RBFOX1: variants seen among roughly 807,000 people sequenced by gnomAD.
The protein encoded by RBFOX1 is RNA binding protein fox-1 homolog 1.
Under a neutral mutation model 57.7 loss-of-function variants are expected in RBFOX1, and 8 were observed. The ratio of observed to expected loss-of-function variants is 0.14; its 90% confidence interval spans 0.08 to 0.25. The LOEUF (loss-of-function observed/expected upper bound fraction) is 0.25. RBFOX1 is among the 10% of genes least tolerant of loss of function. The probability of loss-of-function intolerance (pLI) is 1.00; values close to 1 mark genes in which losing one functional copy is unlikely to be tolerated. For synonymous variants in RBFOX1, 326 were observed against 222.4 expected, an observed-to-expected ratio of 1.47 and a Z score of -4.15; for missense variants, 611 against 548.5, an observed-to-expected ratio of 1.11 and a Z score of -1.14.
chr16:6,305,776 G>A (rs983714831), intron 1 of RBFOX1, among the ~76,000 whole-genome samples: 13 of 151,826 alleles, frequency 8.6e-5, no homozygotes, highest in Non-Finnish European at 1.3e-4. Flanking sequence ...CCAAGGTCAA[G>A]CAACTAGCAA....
At chr16:7,017,201 G>A (rs1015236220) in intron 3 of RBFOX1, among the ~76,000 whole-genome samples, 7 of 152,254 alleles carry the variant, frequency 4.6e-5, no homozygotes, top group Middle Eastern at 3.4e-3. Flanking sequence ...AAGTGTTGGC[G>A]AAGTTTCCCT....
chr16:6,329,387 TAGAC>T (rs1438607675), intron 2 of RBFOX1, among the ~76,000 whole-genome samples: 1 of 152,192 alleles, frequency 6.6e-6, no homozygotes, highest in Non-Finnish European at 1.5e-5. Context: ...TTCTTAAAGT[TAGAC>T]AGCATGCAAA....
At chr16:6,996,364 C>T (rs2092243127) in intron 3 of RBFOX1, among the ~76,000 whole-genome samples, 1 of 151,858 alleles carries the variant, frequency 6.6e-6, no homozygotes, top group Non-Finnish European at 1.5e-5. Flanking sequence ...TGGTTTTGTG[C>T]ATGTGTGTGT....
chr16:6,934,867 C>T (rs1385036209), intron 3 of RBFOX1, among the ~76,000 whole-genome samples: 1 of 152,088 alleles, frequency 6.6e-6, no homozygotes, highest in Non-Finnish European at 1.5e-5. Flanking sequence ...TGGCAGATGA[C>T]TTGAGCTCAG....
At chr16:5,571,800 G>A (rs1416045878) in intron 2 of RBFOX1, among the ~76,000 whole-genome samples, 1 of 152,180 alleles carries the variant, frequency 6.6e-6, no homozygotes, top group Non-Finnish European at 1.5e-5. Context: ...GAAGCAAGGA[G>A]CCCCCTTACC....
At chr16:5,658,798 TG>T (rs2049544480) in intron 3 of RBFOX1, among the ~76,000 whole-genome samples, 1 of 137,944 alleles carries the variant, frequency 7.2e-6, no homozygotes, top group African/African-American at 3.2e-5. Context: ...ATATAATATA[TG>T]TGTATATATG....
intron 3 of RBFOX1, among the ~76,000 whole-genome samples, chr16:5,825,440 G>A (rs941406674): frequency 1.3e-5 from 2 of 152,166 alleles, no homozygotes; most frequent in Admixed American, 6.5e-5. Context: ...TATAAGGTTC[G>A]AAGGAAGTGT....
chr16:6,048,319 C>T (rs2095516426), intron 1 of RBFOX1, among the ~76,000 whole-genome samples: 1 of 152,154 alleles, frequency 6.6e-6, no homozygotes, highest in South Asian at 2.1e-4. Context: ...AGATTTCTTT[C>T]CAATTATCAG....
intron 4 of RBFOX1, among the ~76,000 whole-genome samples, chr16:5,892,403 C>G (rs1054976331): frequency 2.0e-5 from 3 of 152,152 alleles, no homozygotes; most frequent in Non-Finnish European, 4.4e-5. Flanking sequence ...ATGACTGTAT[C>G]TCTTTATATG....
intron 2 of RBFOX1, among the ~76,000 whole-genome samples, chr16:6,484,570 A>C (rs1041815188): frequency 3.3e-5 from 5 of 152,176 alleles, no homozygotes; most frequent in African/African-American, 1.2e-4. Context: ...TTATATACAG[A>C]GTGTCGAATG....
chr16:6,738,136 G>T (rs182331483), intron 3 of RBFOX1, among the ~76,000 whole-genome samples: 1 of 151,062 alleles, frequency 6.6e-6, no homozygotes, highest in Admixed American at 6.6e-5. Flanking sequence ...ATAGGGACCA[G>T]ATGTAACCTC....
intron 1 of RBFOX1, among the ~76,000 whole-genome samples, chr16:6,221,514 A>G (rs60754176): frequency 0.19 from 29,351 of 152,216 alleles, 3,666 homozygotes; most frequent in East Asian, 0.45. Context: ...TTTCAATATG[A>G]GTCAGTATTC....
At chr16:7,044,495 A>G (rs1268184576) in intron 3 of RBFOX1, among the ~76,000 whole-genome samples, 3 of 152,290 alleles carry the variant, frequency 2.0e-5, no homozygotes, top group South Asian at 4.1e-4. Flanking sequence ...GCTATTAAAC[A>G]TCTCGTTCAA....
chr16:6,956,647 T>A (rs2081910218), intron 3 of RBFOX1, among the ~76,000 whole-genome samples: 1 of 152,214 alleles, frequency 6.6e-6, no homozygotes, highest in African/African-American at 2.4e-5. Context: ...GCCTGCTATT[T>A]GTGGCTGATG....
chr16:6,756,841 G>A (rs1036617117), intron 3 of RBFOX1, among the ~76,000 whole-genome samples: 1 of 152,012 alleles, frequency 6.6e-6, no homozygotes, highest in Non-Finnish European at 1.5e-5. Context: ...CAGGCGTGGT[G>A]GCAGACACCT....
At chr16:6,781,462 T>G (rs2081007785) in intron 3 of RBFOX1, among the ~76,000 whole-genome samples, 1 of 152,162 alleles carries the variant, frequency 6.6e-6, no homozygotes, top group Non-Finnish European at 1.5e-5. Context: ...GGAAGTATTG[T>G]CTACTCCTTG....
intron 14 of RBFOX1, among the ~76,000 whole-genome samples, chr16:7,701,807 G>A (rs1474442636): frequency 2.6e-5 from 4 of 152,180 alleles, no homozygotes; most frequent in African/African-American, 9.6e-5. Context: ...GAACTCAGTT[G>A]ACCCTTGTAG....
chr16:5,919,342 T>G (rs1455255210), intron 4 of RBFOX1, among the ~76,000 whole-genome samples: 1 of 152,200 alleles, frequency 6.6e-6, no homozygotes, highest in African/African-American at 2.4e-5. Context: ...AATTGCATTT[T>G]TAAATTTTTT....
chr16:5,653,949 T>C (rs1051773543), intron 3 of RBFOX1, among the ~76,000 whole-genome samples: 1 of 152,218 alleles, frequency 6.6e-6, no homozygotes, highest in Non-Finnish European at 1.5e-5. Flanking sequence ...TCTCACTTTG[T>C]GGATGTTCTC....
Sources: allele counts gnomAD v4.1 joint callset (sites outside exome capture counted in the v4.1 genomes callset), GRCh38; gene constraint gnomAD v4.1.1; transcripts MANE v1.5; gene names NCBI Gene and HGNC (gene_info 2026-07-23, HGNC 2026-07-21).